Variants in THSD7B observed in about 807,000 individuals in gnomAD.
THSD7B encodes the protein thrombospondin type-1 domain-containing protein 7B.
In THSD7B, 138 loss-of-function variants were observed where a neutral mutation model predicts 213.6. The observed-to-expected ratio is 0.65, with a 90% CI of 0.56 to 0.74. The LOEUF (loss-of-function observed/expected upper bound fraction) is 0.74. Ranked by LOEUF, THSD7B falls within the 30% of genes least tolerant of loss-of-function variation. The pLI, the probability that THSD7B is intolerant of heterozygous loss-of-function variation, is 0.00. For missense variants in THSD7B, 1,931 were observed against 1,991.5 expected, an observed-to-expected ratio of 0.97 and a Z score of 0.58; for synonymous variants, 742 against 687.0, an observed-to-expected ratio of 1.08 and a Z score of -1.25.
chr2:137,372,144 T>A (rs1272655407), intron 12 of THSD7B, among the ~76,000 whole-genome samples: 1 of 152,124 alleles, frequency 6.6e-6, no homozygotes, highest in Non-Finnish European at 1.5e-5. Context: ...TTGTACTGAA[T>A]GGACGTCCAA....
At chr2:137,006,399 AATACATACATACATACATACATAC>A (rs60604756) in intron 2 of THSD7B, among the ~76,000 whole-genome samples, 9 of 149,350 alleles carry the variant, frequency 6.0e-5, no homozygotes, top group African/African-American at 2.2e-4. Flanking sequence ...CGTCTCAAGA[AATACATACATACATACATACATAC>A]ATACATACAT....
intron 2 of THSD7B, among the ~76,000 whole-genome samples, chr2:136,939,103 A>G (rs1302920641): frequency 6.6e-6 from 1 of 152,176 alleles, no homozygotes; most frequent in Non-Finnish European, 1.5e-5. Context: ...TCTTTTTTCA[A>G]GCAGATTTTA....
intron 11 of THSD7B, 26 bp downstream of exon 11, chr2:137,272,688 C>T (rs1463906584): frequency 2.3e-5 from 37 of 1,604,632 alleles, no homozygotes; most frequent in Non-Finnish European, 3.1e-5. Context: ...TTAAAATTAT[C>T]GTTAGACCTA....
At chr2:137,206,046 CTTTTTT>C (rs35864577) in intron 7 of THSD7B, among the ~76,000 whole-genome samples, 4 of 148,084 alleles carry the variant, frequency 2.7e-5, no homozygotes, top group Non-Finnish European at 6.0e-5. Flanking sequence ...AGTGATTATC[CTTTTTT>C]TTTTTTATCT....
chr2:137,262,781 G>A (rs1682482400), intron 10 of THSD7B, among the ~76,000 whole-genome samples: 2 of 152,068 alleles, frequency 1.3e-5, no homozygotes, highest in Admixed American at 1.3e-4. Flanking sequence ...CCTCCCTGGG[G>A]ATTTTTTTAA....
At chr2:137,301,285 G>C (rs1683595058) in intron 12 of THSD7B, among the ~76,000 whole-genome samples, 1 of 151,950 alleles carries the variant, frequency 6.6e-6, no homozygotes, top group Non-Finnish European at 1.5e-5. Flanking sequence ...ATTTGCTTTT[G>C]GCTCTTTCTG....
intron 1 of THSD7B, among the ~76,000 whole-genome samples, chr2:136,861,869 T>C (rs1254451373): frequency 6.6e-6 from 1 of 152,228 alleles, no homozygotes; most frequent in Non-Finnish European, 1.5e-5. Flanking sequence ...AGGTTGCAGC[T>C]TGGGCATCAC....
chr2:137,585,970 TAA>T (rs1284190491), intron 17 of THSD7B, among the ~76,000 whole-genome samples: 6 of 152,204 alleles, frequency 3.9e-5, no homozygotes, highest in Non-Finnish European at 7.3e-5. Flanking sequence ...TGTGGGAGTC[TAA>T]GTCTCTTTGT....
chr2:137,468,451 G>T (rs1688032837), intron 15 of THSD7B, among the ~76,000 whole-genome samples: 1 of 151,764 alleles, frequency 6.6e-6, no homozygotes. Flanking sequence ...GTCTCTCCTG[G>T]TTTGTCCTCT....
intron 15 of THSD7B, among the ~76,000 whole-genome samples, chr2:137,532,790 T>C (rs758202126): frequency 1.2e-4 from 18 of 151,620 alleles, no homozygotes; most frequent in Non-Finnish European, 2.5e-4. Flanking sequence ...TGTAATAATA[T>C]AAAACAAACC....
At chr2:137,117,025 T>TCCC (rs1688457344) in intron 5 of THSD7B, among the ~76,000 whole-genome samples, 1 of 152,182 alleles carries the variant, frequency 6.6e-6, no homozygotes, top group Non-Finnish European at 1.5e-5. Flanking sequence ...TGGATGTAAA[T>TCCC]ACATAGATGT....
intron 5 of THSD7B, among the ~76,000 whole-genome samples, chr2:137,158,561 T>G (rs1462609322): frequency 6.6e-6 from 1 of 152,216 alleles, no homozygotes; most frequent in Non-Finnish European, 1.5e-5. Flanking sequence ...ACATTATTAT[T>G]TTGTTTCGCA....
At chr2:137,626,856 A>T (rs1202776540) in intron 20 of THSD7B, among the ~76,000 whole-genome samples, 2 of 152,226 alleles carry the variant, frequency 1.3e-5, no homozygotes, top group Admixed American at 6.5e-5. Flanking sequence ...ATAGTGTTTT[A>T]TCCAGTTCCC....
chr2:137,583,559 C>A (rs918091313), intron 17 of THSD7B, among the ~76,000 whole-genome samples: 4 of 152,200 alleles, frequency 2.6e-5, no homozygotes, highest in Admixed American at 2.6e-4. Flanking sequence ...CTACATATGG[C>A]TAGCCAGTTT....
chr2:137,271,410 T>TTATAATATATAATTATATAATATATATAA (rs1682732112), intron 10 of THSD7B, among the ~76,000 whole-genome samples: 2 of 141,168 alleles, frequency 1.4e-5, no homozygotes, highest in South Asian at 2.2e-4. Flanking sequence ...TATATATGAA[T>TTATAATATATAATTATATAATATATATAA]TATAATATAT....
intron 15 of THSD7B, among the ~76,000 whole-genome samples, chr2:137,479,200 T>C (rs940890518): frequency 6.6e-6 from 1 of 152,176 alleles, no homozygotes; most frequent in African/African-American, 2.4e-5. Context: ...TGCAATGGGC[T>C]AGCAAGGCCA....
intron 12 of THSD7B, among the ~76,000 whole-genome samples, chr2:137,369,804 A>G (rs1357865349): frequency 6.6e-6 from 1 of 152,204 alleles, no homozygotes; most frequent in African/African-American, 2.4e-5. Flanking sequence ...AAAATAAATT[A>G]CATTGCCCAC....
intron 1 of THSD7B, among the ~76,000 whole-genome samples, chr2:136,775,667 T>A (rs900503649): frequency 6.6e-6 from 1 of 152,126 alleles, no homozygotes; most frequent in Non-Finnish European, 1.5e-5. Context: ...CCAATAACTC[T>A]TGAAGAATAT....
chr2:137,016,588 C>G (rs772791400), intron 2 of THSD7B, among the ~76,000 whole-genome samples: 14 of 152,148 alleles, frequency 9.2e-5, no homozygotes, highest in Non-Finnish European at 1.9e-4. Flanking sequence ...ATTATTTTCT[C>G]ATTATGTGTT....
Sources: allele counts gnomAD v4.1 joint callset (sites outside exome capture counted in the v4.1 genomes callset), GRCh38; gene constraint gnomAD v4.1.1; transcripts MANE v1.5; gene names NCBI Gene and HGNC (gene_info 2026-07-23, HGNC 2026-07-21).